Variants in NRXN3 observed in about 807,000 individuals in gnomAD.
The protein encoded by NRXN3 is neurexin 3.
In NRXN3, 32 loss-of-function variants were observed where a neutral mutation model predicts 137.6. The ratio of observed to expected loss-of-function variants is 0.23; its 90% CI spans 0.18 to 0.31. The LOEUF is 0.31. NRXN3 is among the 10% of genes least tolerant of loss of function. The pLI, the probability that NRXN3 is intolerant of heterozygous loss-of-function variation, is 1.00. For synonymous variants in NRXN3, 798 were observed against 784.5 expected (o/e 1.02, Z -0.29); for missense variants, 1,574 against 2,062.5 (o/e 0.76, Z 4.59).
At chr14:79,776,678 A>G (rs1009684759) in intron 19 of NRXN3, among the ~76,000 whole-genome samples, 19 of 152,142 alleles carry the variant, frequency 1.2e-4, no homozygotes, top group African/African-American at 4.1e-4. Flanking sequence ...AGATGCTTGG[A>G]CCACACTGTT....
At chr14:79,745,325 C>A (rs2098976361) in intron 19 of NRXN3, among the ~76,000 whole-genome samples, 1 of 152,062 alleles carries the variant, frequency 6.6e-6, no homozygotes, top group Non-Finnish European at 1.5e-5. Flanking sequence ...ATTCAGTGAA[C>A]AATAATAGCT....
At chr14:79,706,419 C>CTTTTT (rs919138966) in intron 19 of NRXN3, among the ~76,000 whole-genome samples, 20 of 115,998 alleles carry the variant, frequency 1.7e-4, no homozygotes, top group Non-Finnish European at 2.3e-4. Flanking sequence ...GGCTTTTTTA[C>CTTTTT]TTTTTTTTTT....
At chr14:78,981,464 T>G (rs1312559886) in intron 14 of NRXN3, among the ~76,000 whole-genome samples, 2 of 152,214 alleles carry the variant, frequency 1.3e-5, no homozygotes, top group East Asian at 3.8e-4. Flanking sequence ...TGGGGAAAAT[T>G]ATGCAACTTT....
chr14:79,792,218 G>A (rs1425645047), intron 19 of NRXN3, among the ~76,000 whole-genome samples: 1 of 152,116 alleles, frequency 6.6e-6, no homozygotes, highest in Admixed American at 6.5e-5. Flanking sequence ...AAGACTACAA[G>A]CTGGGAGGAA....
At chr14:78,284,716 A>T (rs1312283268) in intron 3 of NRXN3, among the ~76,000 whole-genome samples, 1 of 151,912 alleles carries the variant, frequency 6.6e-6, no homozygotes, top group Non-Finnish European at 1.5e-5. Flanking sequence ...AACCTCCCCA[A>T]ACACACCTGC....
intron 4 of NRXN3, among the ~76,000 whole-genome samples, chr14:78,612,449 G>T (rs1166983117): frequency 6.6e-6 from 1 of 152,182 alleles, no homozygotes; most frequent in African/African-American, 2.4e-5. Context: ...TCATATGAAA[G>T]AATGATTTAT....
intron 16 of NRXN3, among the ~76,000 whole-genome samples, chr14:79,554,691 A>T (rs891867265): frequency 1.1e-4 from 17 of 152,130 alleles, no homozygotes; most frequent in African/African-American, 2.7e-4. Flanking sequence ...GGGTCCCTTG[A>T]TACTCAGCCC....
intron 19 of NRXN3, among the ~76,000 whole-genome samples, chr14:79,741,180 C>G (rs2098961892): frequency 1.3e-5 from 2 of 151,998 alleles, no homozygotes; most frequent in African/African-American, 2.4e-5. Flanking sequence ...AATCATTTAT[C>G]CTCTAGGACA....
chr14:79,306,250 A>G (rs1017342783), intron 15 of NRXN3, among the ~76,000 whole-genome samples: 4 of 152,030 alleles, frequency 2.6e-5, no homozygotes, highest in African/African-American at 4.8e-5. Context: ...CAGCCACACT[A>G]TACTGTATAT....
intron 19 of NRXN3, among the ~76,000 whole-genome samples, chr14:79,761,272 G>A (rs1029352566): frequency 2.6e-5 from 4 of 151,592 alleles, no homozygotes; most frequent in East Asian, 1.9e-4. Context: ...AGGAAGCAGC[G>A]AACTTAAAGC....
At chr14:79,191,647 T>C (rs554982474) in intron 15 of NRXN3, among the ~76,000 whole-genome samples, 1 of 152,320 alleles carries the variant, frequency 6.6e-6, no homozygotes, top group South Asian at 2.1e-4. Flanking sequence ...ACACAATTAA[T>C]AGCTTTCTAT....
intron 16 of NRXN3, among the ~76,000 whole-genome samples, chr14:79,469,655 A>G (rs752046251): frequency 1.3e-5 from 2 of 152,180 alleles, no homozygotes; most frequent in Non-Finnish European, 2.9e-5. Context: ...GTGAAAGCCC[A>G]GTAGATTTTC....
intron 1 of NRXN3, among the ~76,000 whole-genome samples, chr14:78,214,290 T>C (rs1244757637): frequency 1.3e-5 from 2 of 151,864 alleles, no homozygotes; most frequent in Admixed American, 1.3e-4. Flanking sequence ...TCCAGAAGAG[T>C]CTCTTTCCTT....
chr14:79,502,824 T>G (rs920390599), intron 16 of NRXN3, among the ~76,000 whole-genome samples: 1 of 151,836 alleles, frequency 6.6e-6, no homozygotes, highest in African/African-American at 2.4e-5. Flanking sequence ...TTGCTTGGCT[T>G]TTTTTTTCAC....
At chr14:78,449,737 T>C (rs2094506486) in intron 4 of NRXN3, among the ~76,000 whole-genome samples, 1 of 152,252 alleles carries the variant, frequency 6.6e-6, no homozygotes, top group Admixed American at 6.5e-5. Flanking sequence ...AAGTATAAGA[T>C]GTTCAAGAAC....
chr14:78,315,759 A>AT (rs1257882891), intron 4 of NRXN3, among the ~76,000 whole-genome samples: 5 of 151,830 alleles, frequency 3.3e-5, no homozygotes, highest in East Asian at 3.9e-4. Context: ...ATATCTCAGC[A>AT]TTTTTTTTCC....
chr14:79,704,733 G>A (rs561746466), intron 19 of NRXN3, among the ~76,000 whole-genome samples: 5 of 152,064 alleles, frequency 3.3e-5, no homozygotes, highest in Non-Finnish European at 7.4e-5. Flanking sequence ...TTACCCTTAC[G>A]CAGGTACTTT....
intron 15 of NRXN3, among the ~76,000 whole-genome samples, chr14:79,227,454 A>T (rs1288989578): frequency 6.6e-6 from 1 of 152,106 alleles, no homozygotes; most frequent in Non-Finnish European, 1.5e-5. Flanking sequence ...TGTATCCTGA[A>T]TCTCGTTTGG....
At chr14:79,094,707 T>G (rs1402349645) in intron 15 of NRXN3, among the ~76,000 whole-genome samples, 1 of 152,158 alleles carries the variant, frequency 6.6e-6, no homozygotes, top group Non-Finnish European at 1.5e-5. Flanking sequence ...TTGTTTGTTT[T>G]GTTTTGAATG....
Sources: gnomAD v4.1 joint callset for allele counts (sites outside exome capture counted in the v4.1 genomes callset) on GRCh38, gnomAD v4.1.1 for gene constraint, MANE v1.5 for transcripts, NCBI Gene and HGNC (gene_info 2026-07-23, HGNC 2026-07-21) for gene names.